The following SDK1 variants were observed in gnomAD, a reference collection of about 807,000 sequenced individuals.
The protein encoded by SDK1 is protein sidekick-1.
Under a neutral mutation model 245.5 loss-of-function variants are expected in SDK1, and 157 were observed. The observed-to-expected ratio is 0.64, with a 90% CI of 0.56 to 0.73. SDK1 has a LOEUF of 0.73. SDK1 is among the 30% of genes least tolerant of loss of function. The pLI is 0.00. For missense variants in SDK1, 3,583 were observed against 3,002.3 expected (o/e 1.19, Z -4.52); for synonymous variants, 1,647 against 1,278.5 (o/e 1.29, Z -6.15).
intron 4 of SDK1, among the ~76,000 whole-genome samples, chr7:3,677,517 G>C (rs895056692): frequency 3.9e-5 from 6 of 152,136 alleles, no homozygotes; most frequent in South Asian, 4.1e-4. Flanking sequence ...ATCAGATCTC[G>C]TGAGACTTAT....
Position 3,854,523 on chromosome 7 carries a change from A to C in SDK1, c.847+32940A>C, listed in dbSNP as rs73310099. On this transcript the variant is annotated intron_variant, in intron 5 of 44. Coordinates refer to ENST00000404826, the MANE Select transcript of SDK1 (RefSeq NM_152744.4). Reference sequence around the variant, plus strand: ...AAGGTGATCTGATTAGTATAGGGTCACAGAGCAACCATATTCCGTAATGCC... The same window carrying C: ...AAGGTGATCTGATTAGTATAGGGTCCCAGAGCAACCATATTCCGTAATGCC... Among the ~76,000 whole-genome samples, 1,159 of 152,316 alleles carry C rather than the reference A, an allele frequency of 7.6e-3. 18 individuals carry two copies. The highest frequency in any genetic ancestry group is 0.027 in the African/African-American group (1,110 of 41,568).
chr7:3,357,545 G>C (rs1027467944), intron 1 of SDK1, among the ~76,000 whole-genome samples: 1 of 150,384 alleles, frequency 6.6e-6, no homozygotes, highest in Non-Finnish European at 1.5e-5. Flanking sequence ...ATGGGGTCTT[G>C]TTGTGTTGCC....
chr7:3,629,151 A>T (rs75549525), intron 2 of SDK1, among the ~76,000 whole-genome samples: 2 of 151,442 alleles, frequency 1.3e-5, no homozygotes, highest in East Asian at 3.9e-4. Context: ...AAAAAAAAAA[A>T]TTAGCCGGGC....
At chr7:3,532,493 T>A (rs1783381374) in intron 1 of SDK1, among the ~76,000 whole-genome samples, 1 of 152,168 alleles carries the variant, frequency 6.6e-6, no homozygotes, top group Non-Finnish European at 1.5e-5. Context: ...TGGAGTAAAT[T>A]GAGCCCTGAG....
intron 1 of SDK1, among the ~76,000 whole-genome samples, chr7:3,359,899 C>G (rs1780907059): frequency 6.6e-6 from 1 of 152,146 alleles, no homozygotes; most frequent in South Asian, 2.1e-4. Context: ...GTAGAAGGCT[C>G]TGTTTGGCTG....
At chr7:3,579,715 T>G (rs996608046) in intron 1 of SDK1, among the ~76,000 whole-genome samples, 5 of 152,174 alleles carry the variant, frequency 3.3e-5, no homozygotes, top group Non-Finnish European at 7.4e-5. Flanking sequence ...CCCTGTCAGT[T>G]GGAATGTAAA....
intron 1 of SDK1, among the ~76,000 whole-genome samples, chr7:3,411,973 A>C (rs566709336): frequency 1.3e-5 from 2 of 152,316 alleles, no homozygotes; most frequent in African/African-American, 4.8e-5. Context: ...AGAAACGCAC[A>C]AAGAAAAGGA....
chr7:3,790,922 C>T (rs1781062341), intron 4 of SDK1, among the ~76,000 whole-genome samples: 1 of 152,076 alleles, frequency 6.6e-6, no homozygotes. Flanking sequence ...TAGAAATTAA[C>T]TTGACAGTAA....
intron 22 of SDK1, among the ~76,000 whole-genome samples, chr7:4,098,366 G>T (rs940908754): frequency 5.9e-5 from 9 of 152,108 alleles, no homozygotes; most frequent in East Asian, 1.9e-4. Flanking sequence ...ATATTTCCCC[G>T]TTCTTTCCGA....
intron 1 of SDK1, among the ~76,000 whole-genome samples, chr7:3,583,769 G>A (rs1780592726): frequency 6.6e-6 from 1 of 151,152 alleles, no homozygotes; most frequent in Admixed American, 6.6e-5. Context: ...TGCTTGCAGG[G>A]TCCTGTGAAT....
Position 4,220,111 on chromosome 7 carries a change from G to T in SDK1, c.5542G>T (p.Val1848Leu), listed in dbSNP as rs1486775539. ...TCCTTTGCTTCTGGCGGCTGCAGGGGTGAGCAAGGTGGTGACCGTGGAAGT... is the reference window on the plus strand; with the variant it reads ...TCCTTTGCTTCTGGCGGCTGCAGGGTTGAGCAAGGTGGTGACCGTGGAAGT... ...VYEPLAPVQG[V>L]SKVVTVEVRG... Residue 1848 changes from valine (V) to leucine (L), a missense_variant and splice_region_variant, in exon 39 of 45, where the codon GTG becomes TTG. Physicochemically the swap from Val to Leu is conservative, Grantham distance 32. Transcript: ENST00000404826. 4 of 1,613,470 alleles carry T rather than the reference G, an allele frequency of 2.5e-6. No individual in the cohort carries two copies. Among genetic ancestry groups the T allele is most frequent in the Non-Finnish European group, 3.4e-6 (4 of 1,179,544 alleles).
rs550856900 is a variant in SDK1 at position 4,100,091 on chromosome 7, C to T, written c.3325-10572C>T. 8.5e-5 allele frequency among the ~76,000 whole-genome samples: 13 copies of T among 152,334 alleles called. No homozygotes were observed. In the South Asian group the frequency reaches 1.0e-3, roughly 12 times the overall value. ...TCTCCTCACGCCCCTTCCTGGGCAA[C>T]GGAGCAGAAGTCCTCACCAGCGTTT... On this transcript the variant is annotated intron_variant, in intron 22 of 44. Coordinates refer to ENST00000404826, the MANE Select transcript of SDK1 (RefSeq NM_152744.4).
At chr7:3,350,149 T>G (rs934935469) in intron 1 of SDK1, among the ~76,000 whole-genome samples, 2 of 152,136 alleles carry the variant, frequency 1.3e-5, no homozygotes, top group African/African-American at 2.4e-5. Flanking sequence ...TTTAAGTCTA[T>G]CAGTATATAA....
Position 3,951,054 on chromosome 7 carries a change from T to G in SDK1, c.959+20T>G. On this transcript the variant is annotated intron_variant, in intron 6 of 44. Coordinates refer to ENST00000404826, the MANE Select transcript of SDK1 (RefSeq NM_152744.4). ...TGCCAGGTACGAGGCGCGTCTCCTGTGAGACTCCTAGTAAATATTCCATGA... is the reference window on the plus strand; with the variant it reads ...TGCCAGGTACGAGGCGCGTCTCCTGGGAGACTCCTAGTAAATATTCCATGA... The G allele has an allele frequency of 6.6e-7, 1 of 1,511,430 alleles. No individual in the cohort carries two copies. Among genetic ancestry groups the G allele is most frequent in the East Asian group, 2.3e-5 (1 of 44,358 alleles). The allele number at this position is 1,511,430 out of a possible 1,614,324, so 93.6% of individuals were successfully genotyped here.
chr7:4,155,711 C>G (rs4720179), intron 30 of SDK1, among the ~76,000 whole-genome samples: 112,526 of 152,118 alleles, frequency 0.74, 41,806 homozygotes, highest in African/African-American at 0.81. Flanking sequence ...GGCAACCCCC[C>G]ACCCCAGCCT....
intron 5 of SDK1, among the ~76,000 whole-genome samples, chr7:3,919,553 A>G (rs942257345): frequency 5.9e-5 from 9 of 152,092 alleles, no homozygotes; most frequent in African/African-American, 2.2e-4. Context: ...GAACTGAAAG[A>G]TAGACAATAT....
chr7:3,547,528 T>C (rs946213478), intron 1 of SDK1, among the ~76,000 whole-genome samples: 1 of 152,330 alleles, frequency 6.6e-6, no homozygotes, highest in East Asian at 1.9e-4. Context: ...CAAAGAATAC[T>C]AACAGGCCAG....
At chr7:3,517,123 G>C (rs1562534659) in intron 1 of SDK1, among the ~76,000 whole-genome samples, 1 of 151,994 alleles carries the variant, frequency 6.6e-6, no homozygotes, top group Non-Finnish European at 1.5e-5. Context: ...TACATTTTTA[G>C]TCTGAACCAT....
rs934819724 is a variant in SDK1 at position 4,265,346 on chromosome 7, G to C, written c.6604G>C (p.Ala2202Pro). The change falls in exon 45 of 45, where the codon GCG (alanine) becomes CCG (proline). Residue 2202 changes from alanine (A) to proline (P), a missense_variant. Transcript: ENST00000404826. ...GGVYTPAGPG[A>P]RTPLTGFSSF... Reference sequence around the variant, plus strand: ...CGTCTACACCCCCGCTGGCCCCGGCGCGCGAACTCCGCTCACCGGCTTCTC... The same window carrying C: ...CGTCTACACCCCCGCTGGCCCCGGCCCGCGAACTCCGCTCACCGGCTTCTC... 3.4e-6 allele frequency: 5 copies of C among 1,463,956 alleles called. No homozygotes were observed. The highest frequency in any genetic ancestry group is 4.5e-6 in the Non-Finnish European group (5 of 1,121,122). The allele number at this position is 1,463,956 out of a possible 1,614,324, so 90.7% of individuals were successfully genotyped here. A position where few individuals can be genotyped will look rare whatever the true frequency, so the allele number is the denominator to read the frequency against.
Sources: gnomAD v4.1 joint callset for allele counts (sites outside exome capture counted in the v4.1 genomes callset) on GRCh38, gnomAD v4.1.1 for gene constraint, MANE v1.5 for transcripts, NCBI Gene and HGNC (gene_info 2026-07-23, HGNC 2026-07-21) for gene names.